The following PPM1L variants were observed in gnomAD, a reference collection of about 807,000 sequenced individuals.
PPM1L encodes the protein protein phosphatase 1L.
PPM1L carries 13 observed loss-of-function variants against 31.4 expected under a neutral mutation model. The observed-to-expected ratio is 0.41, with a 90% CI of 0.27 to 0.66. The LOEUF is 0.66. Among genes scored for constraint, PPM1L ranks in the 30% least tolerant of loss-of-function variants. The pLI, the probability that PPM1L is intolerant of heterozygous loss-of-function variation, is 0.29. For synonymous variants in PPM1L, 184 were observed against 175.4 expected (o/e 1.05, Z -0.39); for missense variants, 326 against 453.7 (o/e 0.72, Z 2.56).
intron 1 of PPM1L, among the ~76,000 whole-genome samples, chr3:160,959,141 T>TTTCATTA (rs1182610905): frequency 6.6e-6 from 1 of 152,312 alleles, no homozygotes; most frequent in South Asian, 2.1e-4. Context: ...AATAATGGCA[T>TTTCATTA]TTGCAGCAAT....
At chr3:160,862,315 G>A (rs1965186) in intron 1 of PPM1L, among the ~76,000 whole-genome samples, 43,741 of 152,008 alleles carry the variant, frequency 0.29, 6,551 homozygotes, top group East Asian at 0.47. Context: ...CCCTTCAGTT[G>A]AAAGTGGTTT....
chr3:161,052,891 G>GTCTCTGCCTTTCTCC (rs1220567077), intron 2 of PPM1L, among the ~76,000 whole-genome samples: 3 of 152,096 alleles, frequency 2.0e-5, no homozygotes, highest in Non-Finnish European at 4.4e-5. Flanking sequence ...CCCTTTTCCT[G>GTCTCTGCCTTTCTCC]TCTCTGCCTT....
chr3:160,765,194 G>A (rs1218067955), intron 1 of PPM1L, among the ~76,000 whole-genome samples: 1 of 152,180 alleles, frequency 6.6e-6, no homozygotes, highest in Non-Finnish European at 1.5e-5. Context: ...GAGAGGTTAA[G>A]TAATTTGCCC....
chr3:161,012,295 G>A (rs1358998518), intron 2 of PPM1L, among the ~76,000 whole-genome samples: 1 of 152,132 alleles, frequency 6.6e-6, no homozygotes, highest in Non-Finnish European at 1.5e-5. Context: ...TTTGTCTTTG[G>A]TTCTGTTTAT....
At chr3:160,973,840 T>C (rs188976821) in intron 2 of PPM1L, among the ~76,000 whole-genome samples, 1 of 149,756 alleles carries the variant, frequency 6.7e-6, no homozygotes, top group Admixed American at 6.7e-5. Flanking sequence ...AGAATGATTC[T>C]ATCTAGTTTT....
intron 1 of PPM1L, among the ~76,000 whole-genome samples, chr3:160,899,285 G>A (rs1482005068): frequency 6.6e-6 from 1 of 152,166 alleles, no homozygotes; most frequent in East Asian, 1.9e-4. Flanking sequence ...TGATACAGAA[G>A]TGTTAAAGCA....
chr3:160,796,644 G>A (rs16831473), intron 1 of PPM1L, among the ~76,000 whole-genome samples: 16,252 of 152,120 alleles, frequency 0.11, 1,428 homozygotes, highest in African/African-American at 0.24. Context: ...GGAGCATGAC[G>A]AAGGGCTTGA....
intron 1 of PPM1L, among the ~76,000 whole-genome samples, chr3:160,802,791 G>T (rs1350443535): frequency 2.0e-5 from 3 of 152,092 alleles, no homozygotes; most frequent in Admixed American, 2.0e-4. Flanking sequence ...AAAACTCCTG[G>T]GGCAGAGTAC....
rs530026614 is a variant in PPM1L at position 160,866,691 on chromosome 3, C to T, written c.400-95045C>T. Among the ~76,000 whole-genome samples the T allele has an allele frequency of 6.6e-5, 10 of 152,224 alleles. No homozygotes were observed. The South Asian group carries it at 2.1e-3, about 32-fold the overall frequency. On this transcript the variant is annotated intron_variant, in intron 1 of 3. Transcript: ENST00000498165. ...GGTGTGATAATGGTAAACCATCTCT[C>T]CTAAGACAATTAACTCATTCCCCCA... is the stretch of plus-strand genomic sequence containing the variant.
At chr3:160,839,011 A>G (rs1427698679) in intron 1 of PPM1L, among the ~76,000 whole-genome samples, 1 of 152,066 alleles carries the variant, frequency 6.6e-6, no homozygotes, top group East Asian at 1.9e-4. Flanking sequence ...TGGTAGCTTT[A>G]TAAGAAGAGG....
chr3:160,861,722 T>A (rs2108022186), intron 1 of PPM1L, among the ~76,000 whole-genome samples: 1 of 152,232 alleles, frequency 6.6e-6, no homozygotes, highest in South Asian at 2.1e-4. Context: ...GCTCTGAAGG[T>A]CAGATATCTG....
At chr3:160,890,308 T>C (rs896226470) in intron 1 of PPM1L, among the ~76,000 whole-genome samples, 20 of 152,092 alleles carry the variant, frequency 1.3e-4, no homozygotes, top group Non-Finnish European at 2.4e-4. Context: ...GGATACAAAA[T>C]CAATGTGCAA....
At chr3:160,969,376 C>T (rs1048230972) in intron 2 of PPM1L, among the ~76,000 whole-genome samples, 3 of 152,164 alleles carry the variant, frequency 2.0e-5, no homozygotes, top group African/African-American at 7.2e-5. Context: ...GTTACATCTA[C>T]ATTTTAATTG....
At chr3:160,970,904 C>T (rs1320914325) in intron 2 of PPM1L, among the ~76,000 whole-genome samples, 1 of 150,832 alleles carries the variant, frequency 6.6e-6, no homozygotes, top group Non-Finnish European at 1.5e-5. Flanking sequence ...CATTCTCCTG[C>T]CTCAGCCTCC....
chr3:160,968,878 CCTT>C (rs1237169289), intron 2 of PPM1L, among the ~76,000 whole-genome samples: 1 of 152,166 alleles, frequency 6.6e-6, no homozygotes, highest in Non-Finnish European at 1.5e-5. Flanking sequence ...GCTTAGATCT[CCTT>C]CTCAGAGTTC....
intron 2 of PPM1L, among the ~76,000 whole-genome samples, chr3:161,023,042 T>C (rs1026240165): frequency 6.6e-6 from 1 of 152,168 alleles, no homozygotes; most frequent in African/African-American, 2.4e-5. Flanking sequence ...CTTCGATATG[T>C]TGTCCCACTG....
At chr3:161,011,113 T>A (rs1021894511) in intron 2 of PPM1L, among the ~76,000 whole-genome samples, 1 of 152,310 alleles carries the variant, frequency 6.6e-6, no homozygotes, top group Middle Eastern at 3.4e-3. Flanking sequence ...CTGAATGGTA[T>A]TGCCTAGGTT....
chr3:161,045,509 T>A (rs1576803819), intron 2 of PPM1L, among the ~76,000 whole-genome samples: 1 of 152,176 alleles, frequency 6.6e-6, no homozygotes, highest in South Asian at 2.1e-4. Flanking sequence ...AACAACCTGC[T>A]CCTGAATGAC....
At chr3:160,817,256 A>C (rs1353046708) in intron 1 of PPM1L, among the ~76,000 whole-genome samples, 1 of 152,036 alleles carries the variant, frequency 6.6e-6, no homozygotes, top group Non-Finnish European at 1.5e-5. Context: ...AAGTAGTTTG[A>C]GGAATCCCTG....
Sources: allele counts gnomAD v4.1 joint callset (sites outside exome capture counted in the v4.1 genomes callset), GRCh38; gene constraint gnomAD v4.1.1; transcripts MANE v1.5; gene names NCBI Gene and HGNC (gene_info 2026-07-23, HGNC 2026-07-21).